The following SASH1 variants were observed in gnomAD, a reference collection of about 807,000 sequenced individuals.
SASH1 encodes SAM and SH3 domain-containing protein 1.
In SASH1, 44 loss-of-function variants were observed where a neutral mutation model predicts 125.2. That is an observed-to-expected ratio of 0.35 (90% confidence interval 0.28 to 0.45). The LOEUF (loss-of-function observed/expected upper bound fraction) is 0.45, where lower values mean the gene tolerates loss of function less well. SASH1 is among the 20% of genes least tolerant of loss of function. SASH1 has a pLI of 1.00. For synonymous variants in SASH1, 639 were observed against 649.1 expected (o/e 0.98, Z 0.24); for missense variants, 1,426 against 1,614.5 (o/e 0.88, Z 2.00).
In SASH1 at chr6:148,447,685, T is replaced by TCC. The variant is rs879523524; in HGVS notation, c.386+7278_386+7279insCC. On this transcript the variant is annotated intron_variant, in intron 4 of 19. Transcript: ENST00000367467. ...CTTCCTCTTGTTCTTCCTCCTCTTC[T>TCC]TCTTCCTCTTCTCCTCTTCCTCCTT... Among the ~76,000 whole-genome samples, 352 of 151,304 alleles carry TCC rather than the reference T, an allele frequency of 2.3e-3. 2 individuals are homozygous for TCC. The highest frequency in any genetic ancestry group is 4.1e-3 in the Non-Finnish European group (278 of 67,704).
chr6:148,520,073 C>T, intron 10 of SASH1, 180 bp downstream of exon 10: 1 of 584,926 alleles, frequency 1.7e-6, no homozygotes, highest in South Asian at 2.2e-5. Context: ...TCACCAGCAC[C>T]ACCTGTGACC....
Position 148,533,898 on chromosome 6 carries a change from A to G in SASH1, c.1862A>G (p.Lys621Arg), listed in dbSNP as rs1429113005. 6.2e-7 allele frequency: 1 copy of G among 1,613,952 alleles called. No homozygotes were observed. The highest frequency in any genetic ancestry group is 8.5e-7 in the Non-Finnish European group (1 of 1,179,932). Residue 621 changes from lysine to arginine, a missense_variant, in exon 15 of 20, where the codon AAA (lysine) becomes AGA (arginine). Physicochemically the swap from Lys to Arg is conservative, Grantham distance 26 (BLOSUM62 2). Coordinates refer to ENST00000367467, the MANE Select transcript of SASH1 (RefSeq NM_015278.5). The surrounding 1 kb of genome is among the most constrained non-coding windows in gnomAD (Gnocchi z 6.2). ...DVLSEDEEKP[K>R]RPTRRRRKGR... ...CTCAGTGAAGACGAGGAGAAACCCA[A>G]ACGCCCCACCAGGAGGCGTCGGAAA...
At chr6:148,396,228 C>A (rs1783942046) in intron 2 of SASH1, among the ~76,000 whole-genome samples, 3 of 152,090 alleles carry the variant, frequency 2.0e-5, no homozygotes, top group African/African-American at 7.2e-5. Flanking sequence ...CCTGTAATCC[C>A]AGCACTTTGG....
chr6:148,213,705 T>C, the SASH1 span, among the ~76,000 whole-genome samples: 1 of 152,166 alleles, frequency 6.6e-6, no homozygotes, highest in East Asian at 1.9e-4. Context: ...GAGGTCGCTT[T>C]CAGTTCAGGA....
the SASH1 span, among the ~76,000 whole-genome samples, chr6:148,209,406 CG>C: frequency 6.6e-6 from 1 of 152,116 alleles, no homozygotes; most frequent in Non-Finnish European, 1.5e-5. Flanking sequence ...CAAAATTTAA[CG>C]TTCTATTGAA....
chr6:148,387,516 C>CTTCT (rs139571359), intron 1 of SASH1, among the ~76,000 whole-genome samples: 7,552 of 136,186 alleles, frequency 0.055, 1,095 homozygotes, highest in African/African-American at 0.2. Flanking sequence ...TTTCTTTTTC[C>CTTCT]TTCTTTCTTT....
chr6:148,265,576 CA>C, the SASH1 span, among the ~76,000 whole-genome samples: 14 of 152,022 alleles, frequency 9.2e-5, no homozygotes, highest in Non-Finnish European at 1.9e-4. Flanking sequence ...ACTGAGACCA[CA>C]AAAAAATATG....
the SASH1 span, among the ~76,000 whole-genome samples, chr6:148,246,482 T>C: frequency 3.0e-3 from 453 of 152,340 alleles, no homozygotes; most frequent in Non-Finnish European, 5.1e-3. Context: ...CATTTTTCCA[T>C]AAAGGGATTC....
At position 148,532,963 on chromosome 6, in the gene SASH1, C is replaced by G. The variant is rs1438480383; in HGVS notation, c.1731C>G (p.Leu577=). 1 of 1,613,636 alleles carries G rather than the reference C, an allele frequency of 6.2e-7. No homozygotes were observed. Among genetic ancestry groups the G allele is most frequent in the African/African-American group, 1.3e-5 (1 of 74,918 alleles). The part of the protein sequence containing the change: ...PSPYDTDSLK[L]KKGDIIDIIS... ...CCTATGACACAGACTCACTCAAGCT[C>G]AAGGTATCTCTCTCCCTGGCCTCAG... The change falls in exon 14 of 20, where the codon CTC becomes CTG. Residue 577 remains leucine (L), a synonymous_variant. Transcript: ENST00000367467. The surrounding 1 kb of genome is among the most constrained non-coding windows in gnomAD (Gnocchi z 4.7).
At chr6:148,223,527 G>C in the SASH1 span, among the ~76,000 whole-genome samples, 4 of 152,168 alleles carry the variant, frequency 2.6e-5, no homozygotes, top group African/African-American at 9.7e-5. Context: ...TCCATTGACT[G>C]TTTGTCTTTA....
At chr6:148,338,699 A>T (rs1291456017), upstream of SASH1, among the ~76,000 whole-genome samples, 1 of 152,062 alleles carries the variant, frequency 6.6e-6, no homozygotes, top group East Asian at 1.9e-4. Context: ...AGGAAAGGAC[A>T]ACTTTGTTAA....
At chr6:148,451,576 T>C (rs1282142798) in intron 4 of SASH1, among the ~76,000 whole-genome samples, 1 of 152,082 alleles carries the variant, frequency 6.6e-6, no homozygotes, top group East Asian at 1.9e-4. Context: ...GGCAGGAAGA[T>C]TGCTTGAGCT....
intron 1 of SASH1, among the ~76,000 whole-genome samples, chr6:148,353,388 T>A (rs913214271): frequency 6.6e-6 from 1 of 151,840 alleles, no homozygotes; most frequent in African/African-American, 2.4e-5. Flanking sequence ...TTTTCATTTT[T>A]AAATGAAGGG....
chr6:148,283,723 A>C (rs1779407596), intron 1 of SASH1, among the ~76,000 whole-genome samples: 1 of 151,980 alleles, frequency 6.6e-6, no homozygotes, highest in Non-Finnish European at 1.5e-5. Flanking sequence ...GCAGGGAGCC[A>C]AGATCGCACC....
chr6:148,309,475 C>T (rs1258959138), intron 1 of SASH1, among the ~76,000 whole-genome samples: 1 of 152,116 alleles, frequency 6.6e-6, no homozygotes, highest in Non-Finnish European at 1.5e-5. Flanking sequence ...CACCTCCACC[C>T]ATATCCACCC....
intron 10 of SASH1, chr6:148,520,333 C>T (rs558762515): frequency 1.2e-4 from 21 of 175,664 alleles, no homozygotes; most frequent in South Asian, 2.7e-4. Context: ...TGGGCCGCCA[C>T]GGTCGACCGC....
intron 16 of SASH1, among the ~76,000 whole-genome samples, chr6:148,535,589 T>G (rs1781794957): frequency 6.6e-6 from 1 of 152,226 alleles, no homozygotes; most frequent in South Asian, 2.1e-4. Context: ...ATTCCCAACC[T>G]AAATGACAGC....
At chr6:148,208,480 A>G in the SASH1 span, among the ~76,000 whole-genome samples, 1 of 152,156 alleles carries the variant, frequency 6.6e-6, no homozygotes, top group Non-Finnish European at 1.5e-5. Flanking sequence ...GCATAGCAGA[A>G]CTGTTATTGT....
chr6:148,439,494 T>C (rs965429718), intron 2 of SASH1, among the ~76,000 whole-genome samples: 6 of 152,136 alleles, frequency 3.9e-5, no homozygotes, highest in Non-Finnish European at 8.8e-5. Context: ...AAAATTGGAT[T>C]GGGGCTGGGC....
Sources: allele counts gnomAD v4.1 joint callset (sites outside exome capture counted in the v4.1 genomes callset), GRCh38; gene constraint gnomAD v4.1.1; non-coding constraint Gnocchi (gnomAD v3.1); transcripts MANE v1.5; gene names NCBI Gene and HGNC (gene_info 2026-07-23, HGNC 2026-07-21).